Variants in BANF2 observed in about 807,000 individuals in gnomAD.
BANF2 encodes the protein barrier-to-autointegration factor-like protein.
Under a neutral mutation model 8.0 loss-of-function variants are expected in BANF2, and 4 were observed. The ratio of observed to expected loss-of-function variants is 0.50; its 90% CI spans 0.25 to 1.14. The LOEUF (loss-of-function observed/expected upper bound fraction) is 1.14. BANF2 is among the 50% of genes most tolerant of loss of function. The probability of loss-of-function intolerance (pLI) is 0.16; values close to 1 mark genes in which losing one functional copy is unlikely to be tolerated. For synonymous variants in BANF2, 50 were observed against 40.6 expected (o/e 1.23, Z -0.88); for missense variants, 96 against 107.5 (o/e 0.89, Z 0.47).
At chr20:17,714,247 G>GA (rs377361050) in intron 1 of BANF2, among the ~76,000 whole-genome samples, 12 of 149,496 alleles carry the variant, frequency 8.0e-5, no homozygotes, top group South Asian at 4.3e-4. Flanking sequence ...AATAAAAGGT[G>GA]AAAAAAAATA....
intron 1 of BANF2, chr20:17,693,806 G>C (rs6080781): frequency 0.88 from 1,226,940 of 1,387,992 alleles, 544,070 homozygotes; most frequent in East Asian, 0.96. Context: ...TGTGTCCAGT[G>C]GGAGGAGGTG....
chr20:17,703,545 C>G (rs2037439531), intron 1 of BANF2, among the ~76,000 whole-genome samples: 1 of 152,152 alleles, frequency 6.6e-6, no homozygotes, highest in Non-Finnish European at 1.5e-5. Flanking sequence ...TTCCAATTCT[C>G]TGGGTCTGGA....
At chr20:17,695,445 CAAAAAAAAAAAA>C (rs71192401), upstream of BANF2, among the ~76,000 whole-genome samples, 24 of 51,370 alleles carry the variant, frequency 4.7e-4, no homozygotes, top group East Asian at 0.01. Context: ...GACCTTGTCT[CAAAAAAAAAAAA>C]AAAAAAAAAA....
intron 1 of BANF2, among the ~76,000 whole-genome samples, chr20:17,716,557 A>AT (rs139353054): frequency 0.14 from 20,098 of 144,918 alleles, 1,424 homozygotes; most frequent in Middle Eastern, 0.28. Context: ...TTTCCTTTCT[A>AT]TTTTTTTTTT....
chr20:17,730,110 G>A (rs562528748), intron 3 of BANF2, among the ~76,000 whole-genome samples: 1 of 152,318 alleles, frequency 6.6e-6, no homozygotes, highest in East Asian at 1.9e-4. Flanking sequence ...GAGACTGGAG[G>A]AAATAGAAGC....
At chr20:17,732,842 C>A (rs139366008) in intron 3 of BANF2, among the ~76,000 whole-genome samples, 1 of 152,310 alleles carries the variant, frequency 6.6e-6, no homozygotes, top group African/African-American at 2.4e-5. Flanking sequence ...GGGGCAGCAT[C>A]TTTTCTCCTT....
At chr20:17,735,540 T>C in intron 3 of BANF2, 125 bp from the exon 4 acceptor site, 1 of 1,165,984 alleles carries the variant, frequency 8.6e-7, no homozygotes, top group South Asian at 1.4e-5. Flanking sequence ...CAGGCTCCCT[T>C]GAATCGGCCC....
At chr20:17,725,307 C>T (rs2037791885) in intron 3 of BANF2, among the ~76,000 whole-genome samples, 156 bp downstream of exon 3, 1 of 152,278 alleles carries the variant, frequency 6.6e-6, no homozygotes, top group Admixed American at 6.5e-5. Context: ...GCTATTGACC[C>T]CACATGCTCA....
In BANF2 at chr20:17,700,318, A is replaced by G. The variant is rs11907181; in HGVS notation, c.-167+263A>G. On this transcript the variant is annotated intron_variant, in intron 1 of 3. Transcript: ENST00000246090. ...TAAGACTCGGCTTGCCACCTGCACC[A>G]GCTCCCTGGGCAAAGGTCACCTGTG... 1.7e-3 allele frequency among the ~76,000 whole-genome samples: 259 copies of G among 151,948 alleles called. 4 individuals carry two copies. The highest frequency in any genetic ancestry group is 6.0e-3 in the African/African-American group (246 of 41,344).
At position 17,694,599 on chromosome 20, in the gene BANF2, C is replaced by CTTTTTTTT. The variant is rs1256251082; in HGVS notation, c.18+894_18+895insTTTTTTTT. ...AGGGGGCTATTTTTGTTTTTTCTCT[C>CTTTTTTTT]TCTTTTTTTTTTTTTTTTTTTTTTT... On this transcript the variant is annotated intron_variant, in intron 1 of 2. Coordinates refer to the BANF2 transcript ENST00000545418. Among the ~76,000 whole-genome samples the CTTTTTTTT allele has an allele frequency of 4.3e-3, 357 of 82,720 alleles. 20 individuals are homozygous for CTTTTTTTT. The highest frequency in any genetic ancestry group is 5.6e-3 in the East Asian group (11 of 1,966). 54.3% of individuals were successfully genotyped at this position (82,720 alleles called of 152,430 possible). A position where few individuals can be genotyped will look rare whatever the true frequency, so the allele number is the denominator to read the frequency against.
chr20:17,711,292 T>G (rs181186670), intron 1 of BANF2, among the ~76,000 whole-genome samples: 100 of 152,322 alleles, frequency 6.6e-4, no homozygotes, highest in African/African-American at 2.3e-3. Flanking sequence ...AAAGCCCTCA[T>G]GAGAGTCACT....
intron 1 of BANF2, among the ~76,000 whole-genome samples, chr20:17,720,383 A>G (rs2037711818): frequency 6.6e-6 from 1 of 152,242 alleles, no homozygotes; most frequent in Non-Finnish European, 1.5e-5. Context: ...TGTACATACA[A>G]TAGAATATAG....
upstream of BANF2, among the ~76,000 whole-genome samples, chr20:17,697,346 G>T (rs1175715234): frequency 1.3e-5 from 2 of 152,118 alleles, no homozygotes; most frequent in South Asian, 4.1e-4. Flanking sequence ...AGAGGAAAAG[G>T]CCTTTGGGCC....
chr20:17,693,810 G>C, intron 1 of BANF2: 2 of 1,317,444 alleles, frequency 1.5e-6, no homozygotes, highest in Non-Finnish European at 2.1e-6. Flanking sequence ...TCCAGTGGGA[G>C]GAGGTGCTTT....
chr20:17,730,339 G>A (rs977211273), intron 3 of BANF2, among the ~76,000 whole-genome samples: 2 of 152,142 alleles, frequency 1.3e-5, no homozygotes, highest in African/African-American at 4.8e-5. Flanking sequence ...GCAGGGTCTG[G>A]ACACCAAGTC....
At chr20:17,700,100 C>CT in intron 1 of BANF2, 45 bp downstream of exon 1, 4 of 777,026 alleles carry the variant, frequency 5.1e-6, no homozygotes, top group Non-Finnish European at 6.3e-6. Flanking sequence ...GGAGATACAG[C>CT]CAACAGCTGG....
chr20:17,700,320 C>T (rs903579246), intron 1 of BANF2, among the ~76,000 whole-genome samples: 2 of 151,710 alleles, frequency 1.3e-5, no homozygotes, highest in Non-Finnish European at 2.9e-5. Flanking sequence ...CCTGCACCAG[C>T]TCCCTGGGCA....
intron 1 of BANF2, among the ~76,000 whole-genome samples, chr20:17,703,603 C>T (rs534580330): frequency 1.3e-5 from 2 of 152,300 alleles, no homozygotes; most frequent in Non-Finnish European, 2.9e-5. Context: ...GGTCACTCAG[C>T]TGGGGGCTAG....
intron 1 of BANF2, among the ~76,000 whole-genome samples, chr20:17,703,070 T>C (rs766795708): frequency 6.6e-6 from 1 of 152,184 alleles, no homozygotes; most frequent in Non-Finnish European, 1.5e-5. Context: ...CCAGACCTCC[T>C]GTGCTTTTTG....
Sources: allele counts gnomAD v4.1 joint callset (sites outside exome capture counted in the v4.1 genomes callset), GRCh38; gene constraint gnomAD v4.1.1; transcripts MANE v1.5; gene names NCBI Gene and HGNC (gene_info 2026-07-23, HGNC 2026-07-21).